The following PATJ variants were observed in gnomAD, a reference collection of about 807,000 sequenced individuals.
PATJ encodes the protein PATJ crumbs cell polarity complex component, also known as inaD-like protein.
A neutral mutation model predicts 224.9 loss-of-function variants in PATJ; 190 were observed. That is an observed-to-expected ratio of 0.84 (90% CI 0.75 to 0.95). The LOEUF (loss-of-function observed/expected upper bound fraction) is 0.95, where lower values mean the gene tolerates loss of function less well. Ranked by LOEUF, PATJ falls within the 40% of genes least tolerant of loss-of-function variation. The probability of loss-of-function intolerance (pLI) is 0.00; values close to 1 mark genes in which losing one functional copy is unlikely to be tolerated. For synonymous variants in PATJ, 769 were observed against 820.3 expected, an observed-to-expected ratio of 0.94 and a Z score of 1.07; for missense variants, 2,121 against 2,270.3, an observed-to-expected ratio of 0.93 and a Z score of 1.34.
chr1:62,031,071 G>C (rs12087018), intron 29 of PATJ, among the ~76,000 whole-genome samples: 1 of 152,218 alleles, frequency 6.6e-6, no homozygotes, highest in East Asian at 1.9e-4. Context: ...CAAAACTCAT[G>C]GCTTAAGACA....
intron 33 of PATJ, among the ~76,000 whole-genome samples, chr1:62,105,546 C>G (rs1422437642): frequency 6.6e-6 from 1 of 152,168 alleles, no homozygotes; most frequent in East Asian, 1.9e-4. Context: ...ACTGACCCCG[C>G]AAGTTTCCTC....
At chr1:61,771,371 A>G in intron 5 of PATJ, 60 bp from the exon 6 acceptor site, 1 of 1,081,788 alleles carries the variant, frequency 9.2e-7, no homozygotes, top group Middle Eastern at 2.2e-4. Flanking sequence ...TAACTTTAAT[A>G]GATTTTTAAA....
At chr1:62,153,933 C>T (rs996013223) in intron 43 of PATJ, among the ~76,000 whole-genome samples, 3 of 152,298 alleles carry the variant, frequency 2.0e-5, no homozygotes, top group East Asian at 3.9e-4. Context: ...GAGGGAGTTT[C>T]GCTCTTGTCG....
rs554678038 is a variant in PATJ at position 61,890,205 on chromosome 1, G to A, written c.3131+5797G>A. 3.3e-5 allele frequency among the ~76,000 whole-genome samples: 5 copies of A among 152,318 alleles called. No homozygotes were observed. In the South Asian group the frequency reaches 8.3e-4, roughly 25 times the overall value. On this transcript the variant is annotated intron_variant, in intron 22 of 43. Coordinates refer to ENST00000642238, the MANE Select transcript of PATJ (RefSeq NM_001350145.3). ...GAATAAAAATTCATACAGGCCAGGCGTGGTGGCTCACGCCTGTAATCCCAG... is the reference window on the plus strand; with the variant it reads ...GAATAAAAATTCATACAGGCCAGGCATGGTGGCTCACGCCTGTAATCCCAG...
chr1:61,851,779 C>G (rs1053811109), intron 17 of PATJ, among the ~76,000 whole-genome samples: 1 of 151,746 alleles, frequency 6.6e-6, no homozygotes, highest in Non-Finnish European at 1.5e-5. Flanking sequence ...AGAAGCTGAA[C>G]CAAGGCTGTG....
intron 14 of PATJ, among the ~76,000 whole-genome samples, chr1:61,813,765 G>A (rs918041332): frequency 6.6e-6 from 1 of 152,048 alleles, no homozygotes; most frequent in Non-Finnish European, 1.5e-5. Context: ...GGTCAGGGAA[G>A]GTTTAAGAAA....
chr1:61,926,555 GT>G (rs933361179), intron 26 of PATJ, among the ~76,000 whole-genome samples: 198 of 151,082 alleles, frequency 1.3e-3, no homozygotes, highest in African/African-American at 4.2e-3. Flanking sequence ...TCACTTTTAA[GT>G]TTTTTTTTCA....
At chr1:61,821,233 G>A (rs1473482664) in intron 14 of PATJ, among the ~76,000 whole-genome samples, 1 of 152,004 alleles carries the variant, frequency 6.6e-6, no homozygotes, top group Non-Finnish European at 1.5e-5. Flanking sequence ...TTTTAGTAGA[G>A]ACAGGGTTTC....
rs115982366 is a variant in PATJ at position 61,835,845 on chromosome 1, T to G, written c.2112+2060T>G. Among the ~76,000 whole-genome samples, 272 of 152,330 alleles carry G rather than the reference T, an allele frequency of 1.8e-3. 1 individual carries two copies. The highest frequency in any genetic ancestry group is 6.4e-3 in the African/African-American group (264 of 41,574). On this transcript the variant is annotated intron_variant, in intron 17 of 43. Transcript: ENST00000642238. ...AATGGGAATTTGTTAATAATCGATTTTGATAATTGGGATTTAATTTAGAAG... is the reference window on the plus strand; with the variant it reads ...AATGGGAATTTGTTAATAATCGATTGTGATAATTGGGATTTAATTTAGAAG...
intron 13 of PATJ, 137 bp from the exon 14 acceptor site, chr1:61,808,337 C>T: frequency 1.5e-6 from 1 of 647,564 alleles, no homozygotes; most frequent in South Asian, 1.8e-5. Flanking sequence ...TTATAGATTT[C>T]AAAAATATAA....
At chr1:61,763,370 A>G (rs1373779044) in intron 3 of PATJ, among the ~76,000 whole-genome samples, 191 bp downstream of exon 3, 1 of 152,034 alleles carries the variant, frequency 6.6e-6, no homozygotes, top group Non-Finnish European at 1.5e-5. Flanking sequence ...ATCAATAATC[A>G]ATTTTTTCTT....
At chr1:61,861,430 A>G in intron 18 of PATJ, 121 bp from the exon 19 acceptor site, 1 of 538,514 alleles carries the variant, frequency 1.9e-6, no homozygotes, top group East Asian at 3.5e-5. Context: ...GCACTTATCA[A>G]CCCATCATCT....
intron 22 of PATJ, among the ~76,000 whole-genome samples, chr1:61,892,116 T>A (rs1669687918): frequency 6.6e-6 from 1 of 152,190 alleles, no homozygotes; most frequent in Non-Finnish European, 1.5e-5. Flanking sequence ...TGGCAGAACA[T>A]CTGTACAAAT....
intron 17 of PATJ, among the ~76,000 whole-genome samples, chr1:61,840,593 T>C (rs1286466164): frequency 6.6e-6 from 1 of 152,092 alleles, no homozygotes; most frequent in Non-Finnish European, 1.5e-5. Flanking sequence ...TTCATTTTGG[T>C]ACTTATAGAG....
chr1:61,802,098 C>CACG (rs1415741929), intron 12 of PATJ, among the ~76,000 whole-genome samples: 1 of 152,024 alleles, frequency 6.6e-6, no homozygotes, highest in Non-Finnish European at 1.5e-5. Context: ...CCTCCCACCC[C>CACG]ACGACAGGCC....
In PATJ at chr1:61,864,289, C is replaced by A. The variant is rs1557777166; in HGVS notation, c.2491C>A (p.Leu831Ile). 3 of 1,613,294 alleles carry A rather than the reference C, an allele frequency of 1.9e-6. No individual in the cohort carries two copies. The highest frequency in any genetic ancestry group is 2.5e-6 in the Non-Finnish European group (3 of 1,179,548). ...AGAAGAACTTGTGGATGAACCATTTCTAGATCTGGGAAAGTCTTTCCATTC... is the reference window on the plus strand; with the variant it reads ...AGAAGAACTTGTGGATGAACCATTTATAGATCTGGGAAAGTCTTTCCATTC... ...FKEELVDEPF[L>I]DLGKSFHSQQ... Residue 831 changes from leucine to isoleucine, a missense_variant, in exon 20 of 44, where the codon CTA becomes ATA. Coordinates refer to ENST00000642238, the MANE Select transcript of PATJ (RefSeq NM_001350145.3).
chr1:61,742,737 A>C (rs1644820552), intron 1 of PATJ, among the ~76,000 whole-genome samples, 182 bp downstream of exon 1: 1 of 150,566 alleles, frequency 6.6e-6, no homozygotes, highest in Non-Finnish European at 1.5e-5. Flanking sequence ...CCGGGCGCTC[A>C]GAGGGGCCGC....
At chr1:61,849,342 TC>T (rs945580433) in intron 17 of PATJ, among the ~76,000 whole-genome samples, 138 of 152,320 alleles carry the variant, frequency 9.1e-4, no homozygotes, top group African/African-American at 3.2e-3. Context: ...ATGCCTGTAA[TC>T]CCAGTACTTT....
intron 7 of PATJ, among the ~76,000 whole-genome samples, chr1:61,776,571 G>A (rs1174112169): frequency 1.3e-5 from 2 of 152,036 alleles, no homozygotes; most frequent in African/African-American, 4.8e-5. Context: ...GTCAAAATGG[G>A]AAGTACCACC....
Sources: gnomAD v4.1 joint callset for allele counts (sites outside exome capture counted in the v4.1 genomes callset) on GRCh38, gnomAD v4.1.1 for gene constraint, MANE v1.5 for transcripts, NCBI Gene and HGNC (gene_info 2026-07-23, HGNC 2026-07-21) for gene names.